Variants in PRKAR1A observed in about 807,000 individuals in gnomAD.
PRKAR1A encodes the protein cAMP-dependent protein kinase type I-alpha regulatory subunit.
Under a neutral mutation model 52.0 loss-of-function variants are expected in PRKAR1A, and 3 were observed. The ratio of observed to expected loss-of-function variants is 0.06; its 90% confidence interval spans 0.03 to 0.15. The LOEUF is 0.15. PRKAR1A is among the 10% of genes least tolerant of loss of function. The probability of loss-of-function intolerance (pLI) is 1.00; values close to 1 mark genes in which losing one functional copy is unlikely to be tolerated. For synonymous variants in PRKAR1A, 188 were observed against 168.4 expected (o/e 1.12, Z -0.90); for missense variants, 240 against 477.4 (o/e 0.50, Z 4.63).
At chr17:68,441,383 A>T in the PRKAR1A span, among the ~76,000 whole-genome samples, 1 of 152,254 alleles carries the variant, frequency 6.6e-6, no homozygotes, top group Non-Finnish European at 1.5e-5. Context: ...GTCAAAATGC[A>T]TTCAGGATTT....
chr17:68,517,242 G>T (rs1450373583), intron 2 of PRKAR1A, among the ~76,000 whole-genome samples: 1 of 152,200 alleles, frequency 6.6e-6, no homozygotes, highest in Non-Finnish European at 1.5e-5. Flanking sequence ...TTCCAGGGTT[G>T]AATATAGATA....
At chr17:68,434,606 G>C in the PRKAR1A span, 1 of 1,614,046 alleles carries the variant, frequency 6.2e-7, no homozygotes, top group East Asian at 2.2e-5. Context: ...CAGGGACAGA[G>C]AACACCCGGA....
At chr17:68,420,557 T>C in the PRKAR1A span, 5 of 1,401,990 alleles carry the variant, frequency 3.6e-6, no homozygotes, top group Non-Finnish European at 4.9e-6. Flanking sequence ...ACACACGCTT[T>C]AGTTTAGTCT....
chr17:68,489,301 ATATATATATGGAAAG>A, the PRKAR1A span, among the ~76,000 whole-genome samples: 12 of 86,246 alleles, frequency 1.4e-4, no homozygotes, highest in Non-Finnish European at 2.1e-4. Flanking sequence ...GAAAGTATAT[ATATATATATGGAAAG>A]TATATATATA....
chr17:68,525,691 GT>G (rs1327633307), intron 6 of PRKAR1A, 62 bp from the exon 7 acceptor site: 6 of 1,558,740 alleles, frequency 3.8e-6, no homozygotes, highest in Non-Finnish European at 5.3e-6. Context: ...AGGTTTGAGG[GT>G]TTTTAACATT....
chr17:68,463,231 G>A, the PRKAR1A span, among the ~76,000 whole-genome samples: 5 of 152,188 alleles, frequency 3.3e-5, no homozygotes, highest in South Asian at 1.0e-3. Context: ...ACTGGCTTGA[G>A]TGATAAGATA....
chr17:68,420,740 G>A, the PRKAR1A span: 1 of 459,978 alleles, frequency 2.2e-6, no homozygotes, highest in East Asian at 3.7e-5. Flanking sequence ...TTGAACTTGG[G>A]CAATTGTTTA....
chr17:68,452,302 C>T, the PRKAR1A span, among the ~76,000 whole-genome samples: 8 of 152,156 alleles, frequency 5.3e-5, no homozygotes, highest in South Asian at 2.1e-4. Flanking sequence ...AGGTGGCTCA[C>T]GCCTGTAATC....
intron 11 of PRKAR1A, among the ~76,000 whole-genome samples, chr17:68,550,034 C>T (rs2086759181): frequency 6.6e-6 from 1 of 152,058 alleles, no homozygotes; most frequent in Non-Finnish European, 1.5e-5. Context: ...CTTGACTTTG[C>T]GCTGGTTTTA....
chr17:68,534,329 A>C (rs1207820923), downstream of PRKAR1A, among the ~76,000 whole-genome samples: 1 of 152,138 alleles, frequency 6.6e-6, no homozygotes, highest in Non-Finnish European at 1.5e-5. Context: ...TTAATCTCAA[A>C]TGAGTTAACT....
chr17:68,545,340 C>T (rs2086499229), intron 11 of PRKAR1A, among the ~76,000 whole-genome samples: 1 of 152,182 alleles, frequency 6.6e-6, no homozygotes, highest in Admixed American at 6.5e-5. Flanking sequence ...AGGTTTGCTT[C>T]TAGACCACCA....
At chr17:68,539,757 T>G in intron 11 of PRKAR1A, 2 of 844,254 alleles carry the variant, frequency 2.4e-6, no homozygotes, top group Non-Finnish European at 4.0e-6. Flanking sequence ...GAAGCCGGGC[T>G]CGAAGGAGAC....
At chr17:68,415,301 T>C in the PRKAR1A span, among the ~76,000 whole-genome samples, 1 of 152,336 alleles carries the variant, frequency 6.6e-6, no homozygotes, top group East Asian at 1.9e-4. Flanking sequence ...AGGAGCAGGT[T>C]ATATAATTTC....
chr17:68,486,588 CCTT>C, the PRKAR1A span, among the ~76,000 whole-genome samples: 25 of 145,930 alleles, frequency 1.7e-4, no homozygotes, highest in African/African-American at 6.1e-4. Flanking sequence ...TTCCTTCCTT[CCTT>C]CTTCTGCTTT....
At chr17:68,486,510 T>TTCCTTCCTTCCTTCCTTCCTTCCTTCC in the PRKAR1A span, among the ~76,000 whole-genome samples, 1 of 38,100 alleles carries the variant, frequency 2.6e-5, no homozygotes, top group African/African-American at 9.7e-5. Context: ...TCCTTCCTTC[T>TTCCTTCCTTCCTTCCTTCCTTCCTTCC]TTCTTTCTTT....
At chr17:68,454,624 C>G in the PRKAR1A span, among the ~76,000 whole-genome samples, 1 of 152,188 alleles carries the variant, frequency 6.6e-6, no homozygotes, top group Non-Finnish European at 1.5e-5. Flanking sequence ...CAAACAGCAA[C>G]TGGAAAAGTA....
chr17:68,545,855 T>A (rs560091695), intron 11 of PRKAR1A, among the ~76,000 whole-genome samples: 26 of 152,298 alleles, frequency 1.7e-4, no homozygotes, highest in African/African-American at 6.0e-4. Flanking sequence ...GAAACCACTT[T>A]CTTTGCTTAT....
the PRKAR1A span, among the ~76,000 whole-genome samples, chr17:68,443,008 C>T: frequency 1.3e-5 from 2 of 152,234 alleles, no homozygotes; most frequent in Non-Finnish European, 2.9e-5. Flanking sequence ...AGCTTCTTCA[C>T]GTACCGTCTT....
At chr17:68,540,586 C>A in intron 11 of PRKAR1A, 2 of 566,774 alleles carry the variant, frequency 3.5e-6, no homozygotes, top group Non-Finnish European at 6.7e-6. Flanking sequence ...ATACAGCTTC[C>A]AATCTGACGC....
Sources: allele counts gnomAD v4.1 joint callset (sites outside exome capture counted in the v4.1 genomes callset), GRCh38; gene constraint gnomAD v4.1.1; transcripts MANE v1.5; gene names NCBI Gene and HGNC (gene_info 2026-07-23, HGNC 2026-07-21).